Variants in EXD2 observed in about 807,000 individuals in gnomAD.
The protein encoded by EXD2 is exonuclease 3'-5' domain containing 2, also known as exonuclease 3'-5' domain-containing protein 2.
Under a neutral mutation model 62.5 loss-of-function variants are expected in EXD2, and 40 were observed. That is an observed-to-expected ratio of 0.64 (90% CI 0.50 to 0.83). The LOEUF (loss-of-function observed/expected upper bound fraction) is 0.83. EXD2 is among the 40% of genes least tolerant of loss of function. The pLI is 0.00. For synonymous variants in EXD2, 239 were observed against 291.9 expected, an observed-to-expected ratio of 0.82 and a Z score of 1.85; for missense variants, 671 against 761.8, an observed-to-expected ratio of 0.88 and a Z score of 1.40.
intron 4 of EXD2, among the ~76,000 whole-genome samples, chr14:69,229,619 C>G (rs12886715): frequency 0.31 from 47,597 of 151,974 alleles, 9,856 homozygotes; most frequent in East Asian, 0.92. Context: ...CTGCTTTAGG[C>G]CAAAAATGAT....
At chr14:69,228,583 A>G (rs2043452472) in intron 3 of EXD2, among the ~76,000 whole-genome samples, 1 of 151,828 alleles carries the variant, frequency 6.6e-6, no homozygotes, top group Admixed American at 6.6e-5. Context: ...TTATGGACTT[A>G]TATTTCAGAC....
At chr14:69,201,676 T>TTTG (rs1453919701) in intron 1 of EXD2, among the ~76,000 whole-genome samples, 1 of 128,112 alleles carries the variant, frequency 7.8e-6, no homozygotes, top group African/African-American at 3.1e-5. Flanking sequence ...TTCTCTGTTT[T>TTTG]TTTTTTTTTT....
intron 3 of EXD2, among the ~76,000 whole-genome samples, chr14:69,225,130 G>A (rs566527144): frequency 6.6e-6 from 1 of 152,070 alleles, no homozygotes; most frequent in East Asian, 1.9e-4. Flanking sequence ...TAGTTCTGTT[G>A]CCTGAACAGG....
intron 1 of EXD2, among the ~76,000 whole-genome samples, chr14:69,197,684 T>G (rs2042252957): frequency 6.6e-6 from 1 of 152,340 alleles, no homozygotes; most frequent in Admixed American, 6.5e-5. Flanking sequence ...ACGCAGTATT[T>G]GGTTTTCTGT....
At chr14:69,213,166 C>G (rs1036323217) in intron 3 of EXD2, among the ~76,000 whole-genome samples, 3 of 150,824 alleles carry the variant, frequency 2.0e-5, no homozygotes, top group African/African-American at 7.3e-5. Context: ...TAACTGCAGC[C>G]TTAACCTCCC....
At chr14:69,225,759 G>A (rs931183399) in intron 3 of EXD2, among the ~76,000 whole-genome samples, 2 of 152,000 alleles carry the variant, frequency 1.3e-5, no homozygotes, top group Non-Finnish European at 2.9e-5. Context: ...GCAAAAAGGG[G>A]GAAATATGAG....
At chr14:69,235,922 T>C (rs2043768155) in intron 6 of EXD2, 124 bp from the exon 7 acceptor site, 2 of 776,380 alleles carry the variant, frequency 2.6e-6, no homozygotes, top group Non-Finnish European at 4.7e-6. Context: ...TTTTCCATAG[T>C]GGTGTGTTTG....
chr14:69,226,971 G>A (rs956547479), intron 3 of EXD2, among the ~76,000 whole-genome samples: 3 of 152,032 alleles, frequency 2.0e-5, no homozygotes, highest in East Asian at 3.9e-4. Context: ...TACTCCTCCT[G>A]TAAGATTATA....
intron 3 of EXD2, among the ~76,000 whole-genome samples, chr14:69,219,832 C>T (rs2043109087): frequency 6.6e-6 from 1 of 151,822 alleles, no homozygotes; most frequent in Non-Finnish European, 1.5e-5. Context: ...CTTTTCTTGC[C>T]TTGGTGTACC....
At chr14:69,212,512 T>C (rs1421047391) in intron 3 of EXD2, among the ~76,000 whole-genome samples, 2 of 151,678 alleles carry the variant, frequency 1.3e-5, no homozygotes, top group Admixed American at 1.3e-4. Context: ...TTTGTTCTTC[T>C]TTATTGTTTT....
chr14:69,224,352 G>A (rs2043290539), intron 3 of EXD2: 1 of 152,222 alleles, frequency 6.6e-6, no homozygotes, highest in African/African-American at 2.4e-5. Context: ...TCAGTATACA[G>A]TAACAAGGGG....
rs573431127 is a variant in EXD2 at position 69,199,397 on chromosome 14, C to T, written c.-131-4520C>T. Among the ~76,000 whole-genome samples the T allele has an allele frequency of 9.8e-5, 15 of 152,306 alleles. 2 individuals are homozygous for T. The South Asian group carries it at 2.9e-3, about 29-fold the overall frequency. On this transcript the variant is annotated intron_variant, in intron 1 of 9. Transcript: ENST00000685843. ...TACACTACTTTAGATCTTATAAACACGTGTGTATTTAGGCTACACTCAAAT... is the reference window on the plus strand; with the variant it reads ...TACACTACTTTAGATCTTATAAACATGTGTGTATTTAGGCTACACTCAAAT...
intron 3 of EXD2, among the ~76,000 whole-genome samples, chr14:69,219,263 T>G (rs553945513): frequency 6.6e-6 from 1 of 152,346 alleles, no homozygotes; most frequent in Admixed American, 6.5e-5. Context: ...TTATTCTCTT[T>G]GAAGCAATTG....
At chr14:69,215,116 C>T (rs1026354478) in intron 3 of EXD2, among the ~76,000 whole-genome samples, 3 of 151,900 alleles carry the variant, frequency 2.0e-5, no homozygotes, top group Admixed American at 6.6e-5. Context: ...GGTGAAACCC[C>T]GTCTCTACTA....
intron 1 of EXD2, among the ~76,000 whole-genome samples, chr14:69,195,177 AC>A (rs1343912995): frequency 2.6e-5 from 4 of 151,316 alleles, no homozygotes; most frequent in Non-Finnish European, 5.9e-5. Flanking sequence ...AAATTGCACC[AC>A]TGCACTCCAG....
chr14:69,206,340 C>G (rs2042594306), intron 2 of EXD2, among the ~76,000 whole-genome samples: 1 of 151,902 alleles, frequency 6.6e-6, no homozygotes, highest in Non-Finnish European at 1.5e-5. Context: ...CCCCTGGATT[C>G]CAGCTGTGTC....
Position 69,209,600 on chromosome 14 carries a change from C to T in EXD2, c.130C>T (p.Gln44Ter), listed in dbSNP as rs1319864588. Residue 44 changes from glutamine to a stop codon, truncating the protein, a stop_gained, in exon 3 of 10, where the codon CAG becomes TAG. Transcript: ENST00000685843. LOFTEE classifies it high-confidence loss of function. ...SKTSPVTQQP[Q>*]QKVLGSRELP... ...AACGAGTCCTGTGACCCAACAGCCA[C>T]AGCAGAAAGTGCTGGGCAGTAGAGA... 6.4e-7 allele frequency: 1 copy of T among 1,550,430 alleles called. No individual in the cohort carries two copies. The highest frequency in any genetic ancestry group is 8.7e-7 in the Non-Finnish European group (1 of 1,147,004).
intron 9 of EXD2, among the ~76,000 whole-genome samples, chr14:69,238,616 T>TC (rs990437679): frequency 5.3e-5 from 8 of 150,976 alleles, no homozygotes; most frequent in African/African-American, 2.0e-4. Flanking sequence ...TTTTTTTTTT[T>TC]CCAAATAGTT....
chr14:69,224,751 C>T (rs575473309), intron 3 of EXD2, among the ~76,000 whole-genome samples: 2 of 152,124 alleles, frequency 1.3e-5, no homozygotes, highest in South Asian at 4.2e-4. Context: ...GAGGCCGAGG[C>T]GGGTGGATCA....
Sources: gnomAD v4.1 joint callset for allele counts (sites outside exome capture counted in the v4.1 genomes callset) on GRCh38, gnomAD v4.1.1 for gene constraint, MANE v1.5 for transcripts, NCBI Gene and HGNC (gene_info 2026-07-23, HGNC 2026-07-21) for gene names.